L3MBTL4: variants seen among roughly 807,000 people sequenced by gnomAD.
L3MBTL4 encodes the protein lethal(3)malignant brain tumor-like protein 4.
L3MBTL4 carries 70 observed loss-of-function variants against 84.5 expected under a neutral mutation model. The observed-to-expected ratio is 0.83, with a 90% CI of 0.68 to 1.01. The LOEUF (loss-of-function observed/expected upper bound fraction) is 1.01. Among genes scored for constraint, L3MBTL4 ranks in the 50% least tolerant of loss-of-function variants. The probability of loss-of-function intolerance (pLI) is 0.00; values close to 1 mark genes in which losing one functional copy is unlikely to be tolerated. For missense variants in L3MBTL4, 715 were observed against 754.8 expected, an observed-to-expected ratio of 0.95 and a Z score of 0.62; for synonymous variants, 274 against 259.8, an observed-to-expected ratio of 1.05 and a Z score of -0.52.
intron 10 of L3MBTL4, among the ~76,000 whole-genome samples, chr18:6,230,120 G>A (rs1240342316): frequency 1.3e-5 from 2 of 152,088 alleles, no homozygotes; most frequent in Non-Finnish European, 2.9e-5. Context: ...GTGCAGGTTT[G>A]TTATACAGGT....
rs758646842 is a variant in L3MBTL4 at position 6,093,331 on chromosome 18, T to C, written c.1373+24A>G. On this transcript the variant is annotated intron_variant, in intron 15 of 18. Coordinates refer to ENST00000317931, the MANE Select transcript of L3MBTL4 (RefSeq NM_001330559.2). ...TATTCTACATGGTTTACTTTCTGGC[T>C]CACATTTTTAAGAAGTTTCTTACCT... The C allele has an allele frequency of 2.5e-6, 4 of 1,574,618 alleles. No homozygotes were observed. The East Asian group carries it at 9.0e-5, about 35-fold the overall frequency.
chr18:6,067,459 A>T (rs2057439547), intron 16 of L3MBTL4, among the ~76,000 whole-genome samples: 1 of 152,152 alleles, frequency 6.6e-6, no homozygotes, highest in Non-Finnish European at 1.5e-5. Context: ...GCCATTTTAC[A>T]TGATCCCATA....
chr18:6,082,865 G>A (rs1000889556), intron 15 of L3MBTL4, among the ~76,000 whole-genome samples: 1 of 152,170 alleles, frequency 6.6e-6, no homozygotes, highest in Non-Finnish European at 1.5e-5. Flanking sequence ...AATCCTGTGA[G>A]TAGTTCAGAT....
chr18:6,361,539 TC>T (rs1214758567), intron 1 of L3MBTL4, among the ~76,000 whole-genome samples: 2 of 152,158 alleles, frequency 1.3e-5, no homozygotes, highest in Non-Finnish European at 2.9e-5. Flanking sequence ...ATCAGATTAA[TC>T]CTTCTCTGAG....
chr18:6,266,697 G>A (rs1296574151), intron 4 of L3MBTL4, among the ~76,000 whole-genome samples: 1 of 152,200 alleles, frequency 6.6e-6, no homozygotes, highest in East Asian at 1.9e-4. Flanking sequence ...GCTGAGGCAG[G>A]TGAATCACCG....
chr18:6,245,642 T>C (rs2047630989), intron 5 of L3MBTL4, among the ~76,000 whole-genome samples: 1 of 151,122 alleles, frequency 6.6e-6, no homozygotes, highest in African/African-American at 2.4e-5. Context: ...CAGACTGCAG[T>C]GCAGTGACAT....
intron 17 of L3MBTL4, among the ~76,000 whole-genome samples, chr18:5,968,400 T>A (rs2052457320): frequency 6.6e-6 from 1 of 152,196 alleles, no homozygotes; most frequent in African/African-American, 2.4e-5. Context: ...TGTTCCTTAT[T>A]AATAACCAAT....
chr18:6,238,755 C>G lies in L3MBTL4; in HGVS notation c.708-715G>C, dbSNP rs2047324997. 4.6e-5 allele frequency among the ~76,000 whole-genome samples: 7 copies of G among 152,120 alleles called. No homozygotes were observed. In the South Asian group the frequency reaches 1.4e-3, roughly 31 times the overall value. ...TATTCTGCCTAAGACACATATACAA[C>G]AATACCTCTCTGCTTTGCCTCTGAG... On this transcript the variant is annotated intron_variant, in intron 9 of 18. Transcript: ENST00000317931.
chr18:6,186,307 G>C (rs2044759985), intron 12 of L3MBTL4, among the ~76,000 whole-genome samples: 1 of 152,150 alleles, frequency 6.6e-6, no homozygotes, highest in African/African-American at 2.4e-5. Flanking sequence ...CTCCCAAAGT[G>C]CTGGGATTAC....
intron 16 of L3MBTL4, among the ~76,000 whole-genome samples, chr18:6,055,686 G>C (rs1343609158): frequency 6.6e-6 from 1 of 152,096 alleles, no homozygotes; most frequent in Non-Finnish European, 1.5e-5. Flanking sequence ...AATATAATAA[G>C]GAAACAATTA....
intron 16 of L3MBTL4, among the ~76,000 whole-genome samples, chr18:6,019,691 G>C (rs548408969): frequency 6.6e-6 from 1 of 152,158 alleles, no homozygotes; most frequent in Non-Finnish European, 1.5e-5. Flanking sequence ...TTACAATTCA[G>C]AGAAGTCAGG....
chr18:6,065,226 T>A (rs922093510), intron 16 of L3MBTL4, among the ~76,000 whole-genome samples: 1 of 151,874 alleles, frequency 6.6e-6, no homozygotes, highest in Non-Finnish European at 1.5e-5. Context: ...ATTATTATTA[T>A]TTTTTGATGT....
chr18:5,989,984 C>T (rs116367052), intron 16 of L3MBTL4, among the ~76,000 whole-genome samples: 1 of 152,148 alleles, frequency 6.6e-6, no homozygotes, highest in Admixed American at 6.5e-5. Flanking sequence ...AAGATACAAC[C>T]AGGTGACAGG....
intron 14 of L3MBTL4, among the ~76,000 whole-genome samples, chr18:6,106,746 A>G (rs1327589111): frequency 1.3e-5 from 2 of 152,220 alleles, no homozygotes; most frequent in Non-Finnish European, 2.9e-5. Flanking sequence ...CAAATACAAC[A>G]TTTTACCTTA....
At chr18:6,164,019 C>T (rs1394690846) in intron 13 of L3MBTL4, among the ~76,000 whole-genome samples, 1 of 152,254 alleles carries the variant, frequency 6.6e-6, no homozygotes, top group Non-Finnish European at 1.5e-5. Context: ...ACAAACGGCA[C>T]ACCAGGAGAT....
intron 16 of L3MBTL4, among the ~76,000 whole-genome samples, chr18:6,060,373 C>T (rs189315515): frequency 7.3e-5 from 11 of 151,484 alleles, no homozygotes; most frequent in East Asian, 1.9e-4. Context: ...TATGAAGATA[C>T]GAAGTACTCG....
intron 13 of L3MBTL4, among the ~76,000 whole-genome samples, chr18:6,160,294 GT>G (rs2043271909): frequency 6.6e-6 from 1 of 152,240 alleles, no homozygotes; most frequent in Admixed American, 6.5e-5. Flanking sequence ...AGTCAGCAGT[GT>G]TTGGAGTCAG....
intron 16 of L3MBTL4, among the ~76,000 whole-genome samples, chr18:5,974,068 G>A (rs2052779184): frequency 6.6e-6 from 1 of 152,160 alleles, no homozygotes; most frequent in East Asian, 1.9e-4. Flanking sequence ...TCTCCTTCTA[G>A]AAAACAGAAT....
chr18:6,021,794 C>T (rs1700919132), intron 16 of L3MBTL4, among the ~76,000 whole-genome samples: 1 of 152,122 alleles, frequency 6.6e-6, no homozygotes, highest in Non-Finnish European at 1.5e-5. Context: ...TTATCAGCCT[C>T]CCTGCCAGCT....
Sources: gnomAD v4.1 joint callset for allele counts (sites outside exome capture counted in the v4.1 genomes callset) on GRCh38, gnomAD v4.1.1 for gene constraint, MANE v1.5 for transcripts, NCBI Gene and HGNC (gene_info 2026-07-23, HGNC 2026-07-21) for gene names.